The following ALG14 variants were observed in gnomAD, a reference collection of about 807,000 sequenced individuals.
ALG14 encodes ALG14 UDP-N-acetylglucosaminyltransferase subunit, also known as UDP-N-acetylglucosamine transferase subunit ALG14.
Under a neutral mutation model 22.8 loss-of-function variants are expected in ALG14, and 17 were observed. The ratio of observed to expected loss-of-function variants is 0.75; its 90% CI spans 0.51 to 1.12. The LOEUF (loss-of-function observed/expected upper bound fraction) is 1.12, where lower values mean the gene tolerates loss of function less well. Among genes scored for constraint, ALG14 ranks in the 50% most tolerant of loss-of-function variants. The pLI is 0.00. For missense variants in ALG14, 288 were observed against 271.8 expected, an observed-to-expected ratio of 1.06 and a Z score of -0.42; for synonymous variants, 89 against 103.7, an observed-to-expected ratio of 0.86 and a Z score of 0.86.
rs1404651812 is a variant in ALG14, at chr1:94,993,354, TATAG to T, written c.421-10052_421-10049del. Among the ~76,000 whole-genome samples, 3 of 146,548 alleles carry T rather than the reference TATAG, an allele frequency of 2.0e-5. No homozygotes were observed. In the South Asian group the frequency reaches 6.3e-4, roughly 31 times the overall value. ...ATTTTAAATCTTATTTATATTTATATATAGATATTTAAGTATTTATATTTAAATA... is the reference window on the plus strand; with the variant it reads ...ATTTTAAATCTTATTTATATTTATATATATTTAAGTATTTATATTTAAATA... On this transcript the variant is annotated intron_variant, in intron 3 of 3. Transcript: ENST00000370205.
At chr1:95,016,468 T>C (rs1051499602) in intron 3 of ALG14, among the ~76,000 whole-genome samples, 11 of 152,138 alleles carry the variant, frequency 7.2e-5, no homozygotes, top group Non-Finnish European at 1.6e-4. Flanking sequence ...ATGACTGCTC[T>C]AATAAAAAGA....
intron 3 of ALG14, among the ~76,000 whole-genome samples, chr1:94,998,248 T>G (rs758563096): frequency 1.3e-5 from 2 of 152,164 alleles, no homozygotes; most frequent in Non-Finnish European, 2.9e-5. Flanking sequence ...GGAGAGTAAG[T>G]GCCATGTAGC....
At chr1:95,023,993 A>C (rs2100766450) in intron 3 of ALG14, among the ~76,000 whole-genome samples, 1 of 152,352 alleles carries the variant, frequency 6.6e-6, no homozygotes, top group East Asian at 1.9e-4. Flanking sequence ...AACTTTATAG[A>C]TCTTTTTCCC....
intron 2 of ALG14, among the ~76,000 whole-genome samples, chr1:95,047,914 T>C (rs943972154): frequency 2.0e-5 from 3 of 152,106 alleles, no homozygotes; most frequent in Non-Finnish European, 4.4e-5. Flanking sequence ...AGTTCGAGGT[T>C]GCAGTGAGCT....
In ALG14 at chr1:94,982,828, T is replaced by C; in HGVS notation, c.*248A>G. ...GAAAATTTGCAGGTAGTAATACATA[T>C]TTTTATCTAGAAAAGAAATTTGGTT... is the stretch of plus-strand genomic sequence containing the variant. On this transcript the variant is annotated 3_prime_UTR_variant, in exon 4 of 4. Transcript: ENST00000370205. The C allele has an allele frequency of 2.5e-6, 1 of 408,014 alleles. No homozygotes were observed. The highest frequency in any genetic ancestry group is 4.4e-6 in the Non-Finnish European group (1 of 228,416). The allele number at this position is 408,014 out of a possible 1,614,324, so 25.3% of individuals were successfully genotyped here. A position where few individuals can be genotyped will look rare whatever the true frequency, so the allele number is the denominator to read the frequency against.
intron 2 of ALG14, among the ~76,000 whole-genome samples, chr1:95,044,415 T>C (rs1674479151): frequency 6.6e-6 from 1 of 152,188 alleles, no homozygotes; most frequent in Admixed American, 6.5e-5. Flanking sequence ...TCCTAAATTA[T>C]CTGGTCTTTG....
chr1:94,991,484 T>A (rs1672770818), intron 3 of ALG14, among the ~76,000 whole-genome samples: 1 of 152,108 alleles, frequency 6.6e-6, no homozygotes, highest in South Asian at 2.1e-4. Flanking sequence ...TCTAAACACA[T>A]CTAAACATAG....
intron 3 of ALG14, among the ~76,000 whole-genome samples, chr1:95,017,453 G>A (rs1231786927): frequency 3.3e-5 from 5 of 152,260 alleles, no homozygotes; most frequent in Middle Eastern, 6.8e-3. Flanking sequence ...TAATCTGATC[G>A]GGGCAGTTGG....
intron 3 of ALG14, among the ~76,000 whole-genome samples, chr1:95,017,520 G>A (rs768902200): frequency 6.6e-6 from 1 of 152,162 alleles, no homozygotes; most frequent in Non-Finnish European, 1.5e-5. Context: ...AAACAGGTGG[G>A]AGAGAATGTC....
rs573198183 is a variant in ALG14 at position 94,974,717 on chromosome 1, A to G, written c.*8359T>C. On this transcript the variant is annotated 3_prime_UTR_variant, in exon 4 of 4. Coordinates refer to ENST00000370205, the MANE Select transcript of ALG14 (RefSeq NM_144988.4). ...AGAAACTGTCTCCTTCTGAAAGGTT[A>G]TTTTTCTAATTACCTATTGCTTTGT... 6.6e-6 allele frequency: 1 copy of G among 152,332 alleles called. No homozygotes were observed. Among genetic ancestry groups the G allele is most frequent in the African/African-American group, 2.4e-5 (1 of 41,568 alleles). The allele number at this position is 152,332 out of a possible 1,614,324, so 9.4% of individuals were successfully genotyped here. A position where few individuals can be genotyped will look rare whatever the true frequency, so the allele number is the denominator to read the frequency against.
chr1:94,985,843 T>G lies in ALG14; in HGVS notation c.421-2537A>C, dbSNP rs551343301. ...ATCCGTATATTTGGAAGCACCTTAC[T>G]ACAAAAGTCCCTGGTACAATAAAAC... On this transcript the variant is annotated intron_variant, in intron 3 of 3. Coordinates refer to ENST00000370205, the MANE Select transcript of ALG14 (RefSeq NM_144988.4). 2.6e-5 allele frequency among the ~76,000 whole-genome samples: 4 copies of G among 151,602 alleles called. No homozygotes were observed. The East Asian group carries it at 7.7e-4, about 29-fold the overall frequency.
intron 2 of ALG14, among the ~76,000 whole-genome samples, chr1:95,029,435 AC>A (rs568609065): frequency 2.6e-5 from 4 of 152,168 alleles, no homozygotes; most frequent in Non-Finnish European, 5.9e-5. Context: ...ACACAGATCA[AC>A]CCTATTTGAT....
chr1:95,060,038 C>T (rs1164923229), intron 2 of ALG14, among the ~76,000 whole-genome samples: 3 of 151,734 alleles, frequency 2.0e-5, no homozygotes, highest in African/African-American at 7.3e-5. Context: ...TAGGGAAACC[C>T]CCCCAACCTT....
intron 2 of ALG14, among the ~76,000 whole-genome samples, chr1:95,044,435 C>A (rs575827779): frequency 6.6e-6 from 1 of 152,260 alleles, no homozygotes; most frequent in South Asian, 2.1e-4. Context: ...GCCCACTCCT[C>A]CCATCTCCTC....
intron 2 of ALG14, among the ~76,000 whole-genome samples, chr1:95,059,335 T>C (rs910429502): frequency 4.0e-5 from 6 of 148,818 alleles, no homozygotes. Flanking sequence ...GCGTTGGAGG[T>C]TGCAGTGAGC....
intron 3 of ALG14, among the ~76,000 whole-genome samples, chr1:95,013,406 G>A (rs746425360): frequency 2.6e-5 from 4 of 151,534 alleles, no homozygotes; most frequent in Admixed American, 1.3e-4. Context: ...GTGCAATCTC[G>A]GCTCACTGCA....
At chr1:95,037,885 TG>T (rs577743069) in intron 2 of ALG14, among the ~76,000 whole-genome samples, 2 of 152,164 alleles carry the variant, frequency 1.3e-5, no homozygotes, top group Non-Finnish European at 2.9e-5. Flanking sequence ...AACAAGCACC[TG>T]CCAGGTGACA....
At chr1:95,008,861 G>A (rs561265270) in intron 3 of ALG14, among the ~76,000 whole-genome samples, 1 of 152,050 alleles carries the variant, frequency 6.6e-6, no homozygotes, top group African/African-American at 2.4e-5. Flanking sequence ...TGTCTATTCT[G>A]CTTTCTGTCT....
rs139758313 is a variant in ALG14, at chr1:95,065,014, C to A, written c.140G>T (p.Gly47Val). Reference protein sequence around the residue: ...LSILVVAGSGGHTTEILRLLG... With the variant: ...LSILVVAGSGVHTTEILRLLG... Reference sequence around the variant, plus strand: ...CAGCCTCAGGATCTCAGTGGTATGCCCACCTGGAAAAAATATCAGAAGTCC... The same window carrying A: ...CAGCCTCAGGATCTCAGTGGTATGCACACCTGGAAAAAATATCAGAAGTCC... The change falls in exon 2 of 4, where the codon GGG becomes GTG. Residue 47 changes from glycine to valine, a missense_variant. Coordinates refer to ENST00000370205, the MANE Select transcript of ALG14 (RefSeq NM_144988.4). The A allele has an allele frequency of 3.2e-5, 51 of 1,607,850 alleles. No homozygotes were observed. Among genetic ancestry groups the A allele is most frequent in the Admixed American group, 1.0e-4 (6 of 59,126 alleles).
Sources: gnomAD v4.1 joint callset for allele counts (sites outside exome capture counted in the v4.1 genomes callset) on GRCh38, gnomAD v4.1.1 for gene constraint, MANE v1.5 for transcripts, NCBI Gene and HGNC (gene_info 2026-07-23, HGNC 2026-07-21) for gene names.